Variants in KLRG1 observed in about 807,000 individuals in gnomAD.
KLRG1 encodes the protein killer cell lectin-like receptor subfamily G member 1.
KLRG1 carries 16 observed loss-of-function variants against 21.8 expected under a neutral mutation model. The observed-to-expected ratio is 0.73, with a 90% CI of 0.50 to 1.11. KLRG1 has a LOEUF of 1.11. KLRG1 is among the 50% of genes most tolerant of loss of function. KLRG1 has a pLI of 0.00. For synonymous variants in KLRG1, 69 were observed against 75.9 expected (o/e 0.91, Z 0.47); for missense variants, 173 against 218.3 (o/e 0.79, Z 1.31).
chr12:8,989,352 G>T (rs923476748), upstream of KLRG1, among the ~76,000 whole-genome samples: 1 of 152,148 alleles, frequency 6.6e-6, no homozygotes, highest in African/African-American at 2.4e-5. Context: ...TGCTGGACTT[G>T]AGAGCAATTT....
the KLRG1 span, among the ~76,000 whole-genome samples, chr12:9,059,996 CTTTTTTT>C: frequency 2.6e-4 from 20 of 75,570 alleles, no homozygotes; most frequent in Admixed American, 4.9e-4. Context: ...GCCCTGGCAT[CTTTTTTT>C]TTTTTTTTTT....
chr12:9,056,442 G>A, the KLRG1 span, among the ~76,000 whole-genome samples: 2 of 152,092 alleles, frequency 1.3e-5, no homozygotes, highest in Non-Finnish European at 2.9e-5. Flanking sequence ...TTCCATATTT[G>A]CTTCTTTTTT....
At chr12:9,109,975 G>C in the KLRG1 span, 1 of 1,613,750 alleles carries the variant, frequency 6.2e-7, no homozygotes, top group African/African-American at 1.3e-5. Flanking sequence ...AAAGAAAATT[G>C]CTTGAGGCCA....
At chr12:9,133,625 G>T in the KLRG1 span, among the ~76,000 whole-genome samples, 1 of 152,146 alleles carries the variant, frequency 6.6e-6, no homozygotes, top group Admixed American at 6.5e-5. Context: ...ATTTAAGCTG[G>T]GAATTTATCC....
the KLRG1 span, among the ~76,000 whole-genome samples, chr12:9,211,531 G>A: frequency 6.6e-6 from 1 of 151,890 alleles, no homozygotes; most frequent in Non-Finnish European, 1.5e-5. Context: ...GTGTTTTCTT[G>A]CATCTTACTG....
chr12:9,042,887 G>T, the KLRG1 span, among the ~76,000 whole-genome samples: 3 of 152,016 alleles, frequency 2.0e-5, no homozygotes, highest in Non-Finnish European at 1.5e-5. Flanking sequence ...AAGAGGAATG[G>T]AGAAGCACTT....
chr12:9,145,701 C>A, the KLRG1 span, among the ~76,000 whole-genome samples: 1 of 152,142 alleles, frequency 6.6e-6, no homozygotes, highest in Admixed American at 6.5e-5. Flanking sequence ...TTGAAAAACT[C>A]TCTTTAGCAT....
the KLRG1 span, chr12:9,155,985 T>A: frequency 6.0e-6 from 1 of 167,900 alleles, no homozygotes; most frequent in East Asian, 1.8e-4. Context: ...TTTTCACCAA[T>A]AAAGAACTGG....
At chr12:9,176,554 T>C in the KLRG1 span, among the ~76,000 whole-genome samples, 12,628 of 152,300 alleles carry the variant, frequency 0.083, 721 homozygotes, top group African/African-American at 0.16. Context: ...TATGCCATTA[T>C]ATTGGATAGA....
chr12:9,124,701 G>T, the KLRG1 span, among the ~76,000 whole-genome samples: 1 of 152,222 alleles, frequency 6.6e-6, no homozygotes, highest in Non-Finnish European at 1.5e-5. Context: ...AGGCTCAGGG[G>T]TGTCTGCTCC....
At chr12:9,089,182 A>G in the KLRG1 span, 1 of 1,551,542 alleles carries the variant, frequency 6.4e-7, no homozygotes, top group Admixed American at 1.9e-5. Flanking sequence ...TTTTTAAATT[A>G]TGATGGTTGA....
At chr12:8,954,262 G>A (rs1293178311) in intron 1 of KLRG1, among the ~76,000 whole-genome samples, 1 of 152,046 alleles carries the variant, frequency 6.6e-6, no homozygotes, top group Non-Finnish European at 1.5e-5. Flanking sequence ...TAGGAAGATG[G>A]TTACCAGGGG....
At position 9,009,761 on chromosome 12, in the gene KLRG1, A is replaced by C; in HGVS notation, c.*224A>C. 1 of 1,418,598 alleles carries C rather than the reference A, an allele frequency of 7.0e-7. No homozygotes were observed. 87.9% of individuals were successfully genotyped at this position (1,418,598 alleles called of 1,614,324 possible). A position where few individuals can be genotyped will look rare whatever the true frequency, so the allele number is the denominator to read the frequency against. On this transcript the variant is annotated 3_prime_UTR_variant, in exon 5 of 5. Transcript: ENST00000356986. ...GTGAGCAATTTAAAGACCAGATCTA[A>C]GCAAATTTTGAAATAGATGTTTGTT...
At chr12:9,018,705 AGAAGGAAG>A in the KLRG1 span, among the ~76,000 whole-genome samples, 57 of 151,124 alleles carry the variant, frequency 3.8e-4, no homozygotes, top group African/African-American at 1.2e-3. Context: ...AAAGAAAGAA[AGAAGGAAG>A]GAAGGAAGGA....
At chr12:9,062,942 C>G in the KLRG1 span, among the ~76,000 whole-genome samples, 1 of 151,836 alleles carries the variant, frequency 6.6e-6, no homozygotes, top group Non-Finnish European at 1.5e-5. Flanking sequence ...TACAGCATAA[C>G]TAGAATGTTA....
the KLRG1 span, among the ~76,000 whole-genome samples, chr12:9,171,166 T>G: frequency 6.6e-6 from 1 of 152,222 alleles, no homozygotes; most frequent in Middle Eastern, 3.2e-3. Context: ...CCATCTTTGC[T>G]GTTTCATGGC....
At chr12:9,026,553 T>C in the KLRG1 span, among the ~76,000 whole-genome samples, 1 of 152,216 alleles carries the variant, frequency 6.6e-6, no homozygotes, top group Non-Finnish European at 1.5e-5. Flanking sequence ...TATAGCTTTG[T>C]CATCATTTGT....
intron 1 of KLRG1, among the ~76,000 whole-genome samples, chr12:8,951,350 TC>T (rs1946200689): frequency 6.6e-6 from 1 of 151,970 alleles, no homozygotes; most frequent in South Asian, 2.1e-4. Flanking sequence ...ACACCTGTAG[TC>T]CCAGCTGCTT....
At chr12:9,147,201 A>C in the KLRG1 span, among the ~76,000 whole-genome samples, 2 of 152,176 alleles carry the variant, frequency 1.3e-5, no homozygotes, top group Non-Finnish European at 2.9e-5. Flanking sequence ...CACTCTGCTG[A>C]CCAGGGAGAA....
Sources: gnomAD v4.1 joint callset for allele counts (sites outside exome capture counted in the v4.1 genomes callset) on GRCh38, gnomAD v4.1.1 for gene constraint, MANE v1.5 for transcripts, NCBI Gene and HGNC (gene_info 2026-07-23, HGNC 2026-07-21) for gene names.